Variants in OSBPL8 observed in about 807,000 individuals in gnomAD.
OSBPL8 encodes the protein oxysterol binding protein like 8.
Under a neutral mutation model 125.5 loss-of-function variants are expected in OSBPL8, and 59 were observed. The observed-to-expected ratio is 0.47, with a 90% CI of 0.38 to 0.58. The LOEUF is 0.58. OSBPL8 is among the 20% of genes least tolerant of loss of function. The pLI is 0.00. For synonymous variants in OSBPL8, 330 were observed against 338.9 expected (o/e 0.97, Z 0.29); for missense variants, 758 against 1,047.8 (o/e 0.72, Z 3.82).
chr12:76,488,488 C>T (rs557387390), intron 1 of OSBPL8, among the ~76,000 whole-genome samples: 3 of 152,134 alleles, frequency 2.0e-5, no homozygotes, highest in Non-Finnish European at 4.4e-5. Context: ...GTAAGTCTAT[C>T]GGTACTTTTC....
At chr12:76,495,250 C>T (rs908699176) in intron 1 of OSBPL8, among the ~76,000 whole-genome samples, 3 of 152,216 alleles carry the variant, frequency 2.0e-5, no homozygotes, top group Admixed American at 6.5e-5. Flanking sequence ...TTCCTGTAAG[C>T]TGTATGTTAT....
chr12:76,516,836 A>C (rs1178699690), intron 1 of OSBPL8, among the ~76,000 whole-genome samples: 4 of 134,966 alleles, frequency 3.0e-5, no homozygotes, highest in Non-Finnish European at 4.7e-5. Flanking sequence ...TTTTTTTGAG[A>C]TGGAGACTAG....
chr12:76,478,112 G>T (rs1877031997), intron 2 of OSBPL8, among the ~76,000 whole-genome samples: 1 of 151,980 alleles, frequency 6.6e-6, no homozygotes, highest in Non-Finnish European at 1.5e-5. Context: ...TGAGGTAGAA[G>T]AATTGCTTGA....
Position 76,358,820 on chromosome 12 carries a change from A to C in OSBPL8, c.2329-9T>G. 6.2e-7 allele frequency: 1 copy of C among 1,606,912 alleles called. No homozygotes were observed. Among genetic ancestry groups the C allele is most frequent in the Non-Finnish European group, 8.5e-7 (1 of 1,173,550 alleles). On this transcript the variant is annotated splice_polypyrimidine_tract_variant and intron_variant, in intron 21 of 23. Coordinates refer to ENST00000261183, the MANE Select transcript of OSBPL8 (RefSeq NM_020841.5). ...ATTTTGGGGACGCTAACCTAAAGAA[A>C]AAAATAACTATTTTGTGAATTTGCA... is the stretch of plus-strand genomic sequence containing the variant.
chr12:76,408,438 G>A (rs1403806097), intron 5 of OSBPL8, among the ~76,000 whole-genome samples: 1 of 144,530 alleles, frequency 6.9e-6, no homozygotes, highest in East Asian at 2.0e-4. Flanking sequence ...CTCCAGTCTG[G>A]GTGACAGAGC....
intron 2 of OSBPL8, among the ~76,000 whole-genome samples, chr12:76,464,230 C>T (rs1203577676): frequency 1.3e-5 from 2 of 152,110 alleles, no homozygotes; most frequent in African/African-American, 2.4e-5. Context: ...GATCCATGAT[C>T]GCACCTGTGA....
intron 1 of OSBPL8, among the ~76,000 whole-genome samples, chr12:76,532,353 TA>T (rs1439162616): frequency 6.6e-6 from 1 of 152,126 alleles, no homozygotes; most frequent in Admixed American, 6.5e-5. Flanking sequence ...TCAAACAACA[TA>T]GCAAAACTAG....
chr12:76,393,764 C>T (rs1466418639), intron 9 of OSBPL8, among the ~76,000 whole-genome samples: 5 of 150,736 alleles, frequency 3.3e-5, no homozygotes, highest in Non-Finnish European at 1.5e-5. Context: ...TGGCTCACGC[C>T]TGTAACCCCA....
At chr12:76,467,335 C>A (rs573287674) in intron 2 of OSBPL8, among the ~76,000 whole-genome samples, 21 of 152,314 alleles carry the variant, frequency 1.4e-4, no homozygotes, top group African/African-American at 5.1e-4. Context: ...GCTCATTTAT[C>A]ACCTATATTC....
chr12:76,364,024 G>C (rs2136159428), intron 21 of OSBPL8, among the ~76,000 whole-genome samples: 1 of 152,322 alleles, frequency 6.6e-6, no homozygotes, highest in Middle Eastern at 3.4e-3. Flanking sequence ...AGGATGTGGA[G>C]AAATAGGAAC....
At chr12:76,454,095 A>T (rs1359422667) in intron 3 of OSBPL8, among the ~76,000 whole-genome samples, 1 of 152,224 alleles carries the variant, frequency 6.6e-6, no homozygotes, top group African/African-American at 2.4e-5. Context: ...TTAATGGAGT[A>T]TAAGTTGATA....
intron 8 of OSBPL8, 22 bp from the exon 9 acceptor site, chr12:76,394,751 A>C: frequency 1.3e-6 from 2 of 1,531,412 alleles, no homozygotes; most frequent in Non-Finnish European, 1.8e-6. Flanking sequence ...AATAAACAAA[A>C]TAAATGGTAT....
chr12:76,500,676 C>T (rs184128938), intron 1 of OSBPL8, among the ~76,000 whole-genome samples: 2 of 152,252 alleles, frequency 1.3e-5, no homozygotes, highest in Admixed American at 6.5e-5. Flanking sequence ...TACAAATCTT[C>T]CTTCAAGGAC....
chr12:76,371,308 G>T (rs993057764), intron 19 of OSBPL8, 140 bp downstream of exon 19: 2 of 949,258 alleles, frequency 2.1e-6, no homozygotes, highest in Non-Finnish European at 2.9e-6. Context: ...CACAAAAACA[G>T]AATACTGTCA....
At chr12:76,511,745 A>C (rs1881015892) in intron 1 of OSBPL8, among the ~76,000 whole-genome samples, 1 of 152,144 alleles carries the variant, frequency 6.6e-6, no homozygotes, top group Non-Finnish European at 1.5e-5. Context: ...CCCACTTGTC[A>C]ATTTTTGCTT....
chr12:76,408,404 G>C (rs1954365617), intron 5 of OSBPL8, among the ~76,000 whole-genome samples: 1 of 144,226 alleles, frequency 6.9e-6, no homozygotes, highest in Admixed American at 7.2e-5. Flanking sequence ...AGAGCTTGCA[G>C]TGAGCCGAGA....
At chr12:76,417,076 T>C (rs942409756) in intron 4 of OSBPL8, among the ~76,000 whole-genome samples, 3 of 152,206 alleles carry the variant, frequency 2.0e-5, no homozygotes, top group African/African-American at 7.2e-5. Context: ...CTGTCATATA[T>C]TGCAAATCTC....
intron 1 of OSBPL8, among the ~76,000 whole-genome samples, chr12:76,497,398 T>C (rs17042318): frequency 0.043 from 6,526 of 152,152 alleles, 498 homozygotes; most frequent in African/African-American, 0.15. Flanking sequence ...TGGTGTAGTG[T>C]TTCAGGTTAA....
At chr12:76,358,663 T>C (rs765420048) in intron 22 of OSBPL8, 43 bp downstream of exon 22, 1 of 1,458,402 alleles carries the variant, frequency 6.9e-7, no homozygotes, top group Non-Finnish European at 9.6e-7. Context: ...TGTGTAGTAA[T>C]TAAAAAGTTA....
Sources: gnomAD v4.1 joint callset for allele counts (sites outside exome capture counted in the v4.1 genomes callset) on GRCh38, gnomAD v4.1.1 for gene constraint, MANE v1.5 for transcripts, NCBI Gene and HGNC (gene_info 2026-07-23, HGNC 2026-07-21) for gene names.